The following RARG variants were observed in gnomAD, a reference collection of about 807,000 sequenced individuals.
RARG encodes retinoic acid receptor gamma.
RARG carries 17 observed loss-of-function variants against 43.7 expected under a neutral mutation model. The observed-to-expected ratio is 0.39, with a 90% CI of 0.27 to 0.58. The LOEUF (loss-of-function observed/expected upper bound fraction) is 0.58. RARG is among the 20% of genes least tolerant of loss of function. The pLI, the probability that RARG is intolerant of heterozygous loss-of-function variation, is 0.57. For synonymous variants in RARG, 238 were observed against 236.4 expected, an observed-to-expected ratio of 1.01 and a Z score of -0.06; for missense variants, 346 against 598.7, an observed-to-expected ratio of 0.58 and a Z score of 4.40.
Position 53,227,306 on chromosome 12 carries a change from T to G in RARG, c.184+56A>C. 2 of 1,471,894 alleles carry G rather than the reference T, an allele frequency of 1.4e-6. No individual in the cohort carries two copies. The highest frequency in any genetic ancestry group is 1.8e-6 in the Non-Finnish European group (2 of 1,103,058). The allele number at this position is 1,471,894 out of a possible 1,614,324, so 91.2% of individuals were successfully genotyped here. ...GTGCCAACTCTTTTACCATCCACCC[T>G]CCTGATGCCTTCTTGTTAACATTTG... On this transcript the variant is annotated intron_variant, in intron 3 of 9. Coordinates refer to ENST00000425354, the MANE Select transcript of RARG (RefSeq NM_000966.6). The surrounding 1 kb of genome is among the most constrained non-coding windows in gnomAD (Gnocchi z 4.3).
chr12:53,227,374 T>A lies in RARG; in HGVS notation c.172A>T (p.Met58Leu). ...CCCTGAGACTCACACAGAGAGGCCA[T>A]CTCCTTGGGGAGGTCAGGCTGGCCC... ...GLGQPDLPKE[M>L]ASLSVETQST... Residue 58 changes from methionine to leucine, a missense_variant, in exon 3 of 10, where the codon ATG becomes TTG. Around this residue, in one of 8 missense-constraint regions of RARG, gnomAD observed 90 missense variants for 93.2 expected, o/e 0.97. Coordinates refer to ENST00000425354, the MANE Select transcript of RARG (RefSeq NM_000966.6). This position sits in a 1 kb window ranked among gnomAD's most constrained non-coding sequence, Gnocchi z 4.3. 1 of 1,571,098 alleles carries A rather than the reference T, an allele frequency of 6.4e-7. No individual in the cohort carries two copies. The highest frequency in any genetic ancestry group is 1.2e-5 in the South Asian group (1 of 85,926).
At chr12:53,223,750 G>A (rs1031724090) in intron 3 of RARG, among the ~76,000 whole-genome samples, 1 of 152,212 alleles carries the variant, frequency 6.6e-6, no homozygotes, top group Non-Finnish European at 1.5e-5. Context: ...GGCCTGGGTA[G>A]CTGTCCCTTG....
chr12:53,216,952 A>C (rs1392526396), intron 3 of RARG, among the ~76,000 whole-genome samples: 1 of 151,954 alleles, frequency 6.6e-6, no homozygotes, highest in African/African-American at 2.4e-5. Flanking sequence ...AGTTAATGCA[A>C]AAAAATTCCT....
At position 53,215,234 on chromosome 12, in the gene RARG, G is replaced by C; in HGVS notation, c.475+59C>G. On this transcript the variant is annotated intron_variant, in intron 5 of 9. Transcript: ENST00000425354. This position sits in a 1 kb window ranked among gnomAD's most constrained non-coding sequence, Gnocchi z 6.4. ...AAGTGGGAGTGGCCAGAGGAAAGAG[G>C]GCCACAGCCATAGGGTAGGACCGAA... 4.4e-6 allele frequency: 7 copies of C among 1,587,208 alleles called. No homozygotes were observed. The highest frequency in any genetic ancestry group is 6.0e-6 in the Non-Finnish European group (7 of 1,165,154).
At position 53,213,911 on chromosome 12, in the gene RARG, G is replaced by A; in HGVS notation, c.813+148C>T. ...CCAAAAGTCTAGGATCAGGTCATAG[G>A]GGCAGAGGCTAAGACGAAAAGAGAG... is the stretch of plus-strand genomic sequence containing the variant. On this transcript the variant is annotated intron_variant, in intron 7 of 9. Transcript: ENST00000425354. This position sits in a 1 kb window ranked among gnomAD's most constrained non-coding sequence, Gnocchi z 4.7. The A allele has an allele frequency of 8.9e-7, 1 of 1,129,838 alleles. No individual in the cohort carries two copies. The highest frequency in any genetic ancestry group is 1.5e-5 in the South Asian group (1 of 68,710). The allele number at this position is 1,129,838 out of a possible 1,614,324, so 70.0% of individuals were successfully genotyped here. A position where few individuals can be genotyped will look rare whatever the true frequency, so the allele number is the denominator to read the frequency against.
intron 3 of RARG, among the ~76,000 whole-genome samples, chr12:53,217,742 C>T (rs1001567382): frequency 6.6e-6 from 1 of 152,174 alleles, no homozygotes; most frequent in African/African-American, 2.4e-5. Context: ...GGGGCCCCTG[C>T]TGGGGAGGAT....
At chr12:53,217,695 A>C (rs1046950536) in intron 3 of RARG, among the ~76,000 whole-genome samples, 2 of 152,242 alleles carry the variant, frequency 1.3e-5, no homozygotes, top group African/African-American at 4.8e-5. Flanking sequence ...ACTCGGGCTT[A>C]GACCCCACCA....
Position 53,213,260 on chromosome 12 carries a change from A to G in RARG, c.1019-17T>C. 6.4e-7 allele frequency: 1 copy of G among 1,550,810 alleles called. No individual in the cohort carries two copies. Among genetic ancestry groups the G allele is most frequent in the Non-Finnish European group, 8.9e-7 (1 of 1,125,656 alleles). On this transcript the variant is annotated splice_polypyrimidine_tract_variant and intron_variant, in intron 8 of 9. Coordinates refer to ENST00000425354, the MANE Select transcript of RARG (RefSeq NM_000966.6). The surrounding 1 kb of genome is among the most constrained non-coding windows in gnomAD (Gnocchi z 4.7). Reference sequence around the variant, plus strand: ...CCATGCGGTCTATGGGGACAAGTATACTGGAGTGAGAGGGGAAGGAAGAGA... The same window carrying G: ...CCATGCGGTCTATGGGGACAAGTATGCTGGAGTGAGAGGGGAAGGAAGAGA...
chr12:53,217,840 AAACTCTTTAT>A (rs1157580365), intron 3 of RARG, among the ~76,000 whole-genome samples: 3 of 152,134 alleles, frequency 2.0e-5, no homozygotes, highest in South Asian at 2.1e-4. Context: ...AGCTTCAAAC[AAACTCTTTAT>A]AACCGGCTGT....
At chr12:53,219,928 A>G (rs1160251268) in intron 3 of RARG, 1 of 1,492,696 alleles carries the variant, frequency 6.7e-7, no homozygotes, top group Admixed American at 2.3e-5. Flanking sequence ...CCTACACCCC[A>G]GCCCCGGACT....
chr12:53,213,056 C>A lies in RARG; in HGVS notation c.1177+29G>T. On this transcript the variant is annotated intron_variant, in intron 9 of 9. Transcript: ENST00000425354. The surrounding 1 kb of genome is among the most constrained non-coding windows in gnomAD (Gnocchi z 4.7). The stretch of plus-strand genomic sequence containing the variant: ...TGGGAGACCAACAGCCCTGGGAAGA[C>A]AGAGAGGGGACACCCACTCATGACT... The A allele has an allele frequency of 6.3e-7, 1 of 1,589,976 alleles. No individual in the cohort carries two copies.
chr12:53,226,255 G>A (rs1294021708), intron 3 of RARG, among the ~76,000 whole-genome samples: 1 of 151,926 alleles, frequency 6.6e-6, no homozygotes, highest in Admixed American at 6.6e-5. Flanking sequence ...AGCCTCCTGA[G>A]TAGCTGGGAT....
intron 3 of RARG, among the ~76,000 whole-genome samples, chr12:53,216,841 T>TGTGTGTGTGTGTGCGCGC (rs1430491578): frequency 7.7e-6 from 1 of 129,384 alleles, no homozygotes; most frequent in African/African-American, 3.4e-5. Context: ...TGTGTGTGTG[T>TGTGTGTGTGTGTGCGCGC]GCGCGCGCGC....
In RARG at chr12:53,211,518, C is replaced by T; in HGVS notation, c.*158G>A. On this transcript the variant is annotated 3_prime_UTR_variant, in exon 10 of 10. Coordinates refer to ENST00000425354, the MANE Select transcript of RARG (RefSeq NM_000966.6). The surrounding 1 kb of genome is among the most constrained non-coding windows in gnomAD (Gnocchi z 4.6). ...GGTTAGATCAGGAAGGGGATGAACA[C>T]AGAGGCACCCCTAGAAACTTTGGCA... The T allele has an allele frequency of 3.1e-6, 2 of 654,398 alleles. No individual in the cohort carries two copies. Among genetic ancestry groups the T allele is most frequent in the South Asian group, 3.0e-5 (1 of 32,890 alleles). The allele number at this position is 654,398 out of a possible 1,614,324, so 40.5% of individuals were successfully genotyped here. A position where few individuals can be genotyped will look rare whatever the true frequency, so the allele number is the denominator to read the frequency against.
intron 2 of RARG, among the ~76,000 whole-genome samples, chr12:53,229,153 G>A (rs1376503608): frequency 1.3e-5 from 2 of 152,100 alleles, no homozygotes; most frequent in Non-Finnish European, 2.9e-5. Flanking sequence ...AGTCACCCCA[G>A]CCTGGGTATC....
intron 3 of RARG, among the ~76,000 whole-genome samples, chr12:53,225,796 GC>G: frequency 6.6e-6 from 1 of 152,140 alleles, no homozygotes; most frequent in Non-Finnish European, 1.5e-5. Context: ...GAGAGGAGAG[GC>G]CCAAGCCTTG....
chr12:53,223,876 C>A (rs1259370105), intron 3 of RARG, among the ~76,000 whole-genome samples: 2 of 152,170 alleles, frequency 1.3e-5, no homozygotes, highest in African/African-American at 4.8e-5. Context: ...GGGCTCCTTG[C>A]CCCAGGGACA....
In RARG at chr12:53,215,457, G is replaced by A. The variant is rs1179954336; in HGVS notation, c.334-23C>T. 6.2e-7 allele frequency: 1 copy of A among 1,613,674 alleles called. No homozygotes were observed. Among genetic ancestry groups the A allele is most frequent in the South Asian group, 1.1e-5 (1 of 91,074 alleles). On this transcript the variant is annotated intron_variant, in intron 4 of 9. Transcript: ENST00000425354. The surrounding 1 kb of genome is among the most constrained non-coding windows in gnomAD (Gnocchi z 6.4). The stretch of plus-strand genomic sequence containing the variant: ...GCCCTGGAGTTGAGGGAAAGAGAGA[G>A]GGCCTCTGAAGCACAATGCTGGGAG...
chr12:53,218,250 A>T (rs1942834069), intron 3 of RARG, among the ~76,000 whole-genome samples: 1 of 152,146 alleles, frequency 6.6e-6, no homozygotes. Flanking sequence ...CTTCCCTCTG[A>T]AAGTGTGTGC....
Sources: gnomAD v4.1 joint callset for allele counts (sites outside exome capture counted in the v4.1 genomes callset) on GRCh38, gnomAD v4.1.1 for gene constraint, gnomAD v4.1.1 regional missense constraint, Gnocchi (gnomAD v3.1) non-coding constraint, MANE v1.5 for transcripts, NCBI Gene and HGNC (gene_info 2026-07-23, HGNC 2026-07-21) for gene names.